MBD1: variants seen among roughly 807,000 people sequenced by gnomAD.
MBD1 encodes the protein methyl-CpG-binding domain protein 1.
MBD1 carries 25 observed loss-of-function variants against 82.6 expected under a neutral mutation model. The observed-to-expected ratio is 0.30, with a 90% CI of 0.22 to 0.42. MBD1 has a LOEUF of 0.42. Among genes scored for constraint, MBD1 ranks in the 10% least tolerant of loss-of-function variants. The pLI, the probability that MBD1 is intolerant of heterozygous loss-of-function variation, is 1.00. For synonymous variants in MBD1, 301 were observed against 303.7 expected (o/e 0.99, Z 0.09); for missense variants, 627 against 819.6 (o/e 0.76, Z 2.87).
chr18:50,274,550 G>C (rs2036959131), intron 10 of MBD1, among the ~76,000 whole-genome samples, 197 bp from the exon 11 acceptor site: 1 of 152,170 alleles, frequency 6.6e-6, no homozygotes, highest in South Asian at 2.1e-4. Context: ...CACTGTGCCA[G>C]CTGGCCCTCG....
In MBD1 at chr18:50,269,042, T is replaced by A; in HGVS notation, c.*809A>T. Reference sequence around the variant, plus strand: ...AAATCCATTCACCATTTGTAATACATATTGATGCATTTAATAAAATTGCAT... The same window carrying A: ...AAATCCATTCACCATTTGTAATACAAATTGATGCATTTAATAAAATTGCAT... On this transcript the variant is annotated 3_prime_UTR_variant, in exon 17 of 17. Coordinates refer to ENST00000269468, the MANE Select transcript of MBD1 (RefSeq NM_015846.4). 1 of 986,932 alleles carries A rather than the reference T, an allele frequency of 1.0e-6. No homozygotes were observed. Among genetic ancestry groups the A allele is most frequent in the Non-Finnish European group, 1.2e-6 (1 of 830,764 alleles). 61.1% of individuals were successfully genotyped at this position (986,932 alleles called of 1,614,324 possible).
intron 16 of MBD1, 196 bp downstream of exon 16, chr18:50,271,273 C>T: frequency 1.4e-6 from 2 of 1,443,048 alleles, no homozygotes; most frequent in South Asian, 1.5e-5. Context: ...AGAAGATGCA[C>T]CAACTTTCTA....
At chr18:50,277,229 G>C in intron 2 of MBD1, 25 bp from the exon 3 acceptor site, 2 of 1,558,344 alleles carry the variant, frequency 1.3e-6, no homozygotes, top group Non-Finnish European at 1.8e-6. Context: ...TGATGGGTTA[G>C]CACCCAGGTG....
Position 50,276,817 on chromosome 18 carries a change from T to A in MBD1, c.392+15A>T, listed in dbSNP as rs374362078. 1.2e-6 allele frequency: 2 copies of A among 1,614,036 alleles called. No individual in the cohort carries two copies. Among genetic ancestry groups the A allele is most frequent in the Non-Finnish European group, 1.7e-6 (2 of 1,180,028 alleles). ...CAACCCTCACCCATCTGGCTCACCTTAGACCAACACTCACCCAGGAGCAGG... is the reference window on the plus strand; with the variant it reads ...CAACCCTCACCCATCTGGCTCACCTAAGACCAACACTCACCCAGGAGCAGG... On this transcript the variant is annotated intron_variant, in intron 4 of 16. Coordinates refer to ENST00000269468, the MANE Select transcript of MBD1 (RefSeq NM_015846.4).
intron 13 of MBD1, 180 bp from the exon 14 acceptor site, chr18:50,273,135 T>C: frequency 8.3e-7 from 1 of 1,201,010 alleles, no homozygotes; most frequent in South Asian, 1.3e-5. Context: ...TCCGTTTTTC[T>C]GTTAGCTGGA....
chr18:50,273,108 C>G (rs2146385298), intron 13 of MBD1, 153 bp from the exon 14 acceptor site: 1 of 1,242,674 alleles, frequency 8.0e-7, no homozygotes, highest in African/African-American at 1.5e-5. Context: ...CTTTCCCATT[C>G]CCATTCCTCA....
rs762220400 is a variant in MBD1, at chr18:50,275,934, A to G, written c.564T>C (p.Cys188=). Residue 188 remains cysteine, a synonymous_variant, in exon 7 of 17, where the codon TGT becomes TGC. Transcript: ENST00000269468. ...ECAACQVTED[C]GACSTCLLQL... ...GCAGGAGGCAGGTGGAGCAGGCCCC[A>G]CAGTCTTCTGTTACCTGGCAGGCTG... 6.2e-6 allele frequency: 10 copies of G among 1,613,948 alleles called. No individual in the cohort carries two copies. The highest frequency in any genetic ancestry group is 1.3e-5 in the African/African-American group (1 of 75,028).
Position 50,271,357 on chromosome 18 carries a change from A to G in MBD1, c.*32+112T>C, listed in dbSNP as rs912093638. The G allele has an allele frequency of 6.9e-6, 11 of 1,592,760 alleles. No individual in the cohort carries two copies. The African/African-American group carries it at 1.5e-4, about 22-fold the overall frequency. ...CTTAGGCCTGCTCTTCTGGTTTGGT[A>G]GTAGGTTTTTCCTCCTAGGGTTGAT... On this transcript the variant is annotated intron_variant, in intron 16 of 16. Coordinates refer to ENST00000269468, the MANE Select transcript of MBD1 (RefSeq NM_015846.4).
chr18:50,279,713 G>T, intron 2 of MBD1, 170 bp downstream of exon 2: 2 of 894,076 alleles, frequency 2.2e-6, no homozygotes, highest in Non-Finnish European at 3.3e-6. Context: ...TGACTTTTAA[G>T]TTACAAATAA....
rs1568241562 is a variant in MBD1 at position 50,276,400 on chromosome 18, T to C, written c.494A>G (p.Asn165Ser). ...KDCRAQRIAF[N>S]REQRMFKRVG... ...TACCTTAAACATTCTCTGTTCCCGG[T>C]TGAAGGCAATTCTCTGTGCTGTGGG... Residue 165 changes from asparagine to serine, a missense_variant, in exon 6 of 17, where the codon AAC becomes AGC. This residue lies in a region of MBD1 where 228 missense variants were observed against 318.1 expected (regional missense o/e 0.72). Transcript: ENST00000269468. 4 of 1,614,068 alleles carry C rather than the reference T, an allele frequency of 2.5e-6. No homozygotes were observed. The highest frequency in any genetic ancestry group is 1.3e-5 in the African/African-American group (1 of 74,934).
rs371943213 is a variant in MBD1 at position 50,271,540 on chromosome 18, C to T, written c.1779G>A (p.Arg593=). ...CTCCAGGTTTTTTAAGGTCTTTGGACCTAGGGAAAAGGGAGCAGGTCTGTA... is the reference window on the plus strand; with the variant it reads ...CTCCAGGTTTTTTAAGGTCTTTGGATCTAGGGAAAAGGGAGCAGGTCTGTA... ...RFRDTAVWLP[R]SKDLKKPGAR... The change falls in exon 16 of 17, where the codon AGG becomes AGA. Residue 593 remains arginine, a splice_region_variant and synonymous_variant. Transcript: ENST00000269468. The T allele has an allele frequency of 6.2e-7, 1 of 1,614,190 alleles. No individual in the cohort carries two copies. The highest frequency in any genetic ancestry group is 8.5e-7 in the Non-Finnish European group (1 of 1,180,030).
chr18:50,275,403 C>T (rs2037400257), intron 8 of MBD1, 158 bp from the exon 9 acceptor site: 1 of 1,606,794 alleles, frequency 6.2e-7, no homozygotes, highest in African/African-American at 1.3e-5. Flanking sequence ...GAGTGCGTCG[C>T]TGACATCTCT....
chr18:50,267,709 T>C (rs982424331), downstream of MBD1: 6 of 1,344,566 alleles, frequency 4.5e-6, no homozygotes, highest in Admixed American at 1.2e-4. Flanking sequence ...CATTCTAAAG[T>C]GGGGGTGAGC....
rs1245661531 is a variant in MBD1, at chr18:50,273,325, T to C, written c.1584+9A>G. The stretch of plus-strand genomic sequence containing the variant: ...ACGGCACCAACAGAACATCCATCAC[T>C]GCCCCCACCTTGCTAGGGCAGCCAG... On this transcript the variant is annotated intron_variant, in intron 13 of 16. Coordinates refer to ENST00000269468, the MANE Select transcript of MBD1 (RefSeq NM_015846.4). The C allele has an allele frequency of 2.5e-6, 4 of 1,613,870 alleles. No individual in the cohort carries two copies. The highest frequency in any genetic ancestry group is 3.4e-6 in the Non-Finnish European group (4 of 1,180,006).
chr18:50,267,771 A>G (rs2034083683), downstream of MBD1: 1 of 729,022 alleles, frequency 1.4e-6, no homozygotes, highest in Non-Finnish European at 2.4e-6. Context: ...TCAAACTGAC[A>G]TATAATAAGT....
chr18:50,267,516 G>T (rs530448484), downstream of MBD1: 50 of 991,654 alleles, frequency 5.0e-5, no homozygotes, highest in East Asian at 1.2e-3. Context: ...GTGGACCAGG[G>T]TCAGGATGTG....
At chr18:50,275,079 T>C (rs2037226612) in intron 9 of MBD1, 34 bp from the exon 10 acceptor site, 1 of 1,613,228 alleles carries the variant, frequency 6.2e-7, no homozygotes, top group Admixed American at 1.7e-5. Flanking sequence ...TCAGGGCAGG[T>C]ACTGGGTAAG....
chr18:50,280,203 C>T (rs1401021652), intron 1 of MBD1, among the ~76,000 whole-genome samples, 186 bp from the exon 2 acceptor site: 1 of 152,084 alleles, frequency 6.6e-6, no homozygotes, highest in Non-Finnish European at 1.5e-5. Flanking sequence ...CTATTCTGGG[C>T]CTAGGATATC....
chr18:50,279,363 G>A (rs940514903), intron 2 of MBD1, among the ~76,000 whole-genome samples: 1 of 152,174 alleles, frequency 6.6e-6, no homozygotes, highest in African/African-American at 2.4e-5. Context: ...CCATAATTCT[G>A]ATGCATAACA....
Sources: gnomAD v4.1 joint callset for allele counts (sites outside exome capture counted in the v4.1 genomes callset) on GRCh38, gnomAD v4.1.1 for gene constraint, gnomAD v4.1.1 regional missense constraint, MANE v1.5 for transcripts, NCBI Gene and HGNC (gene_info 2026-07-23, HGNC 2026-07-21) for gene names.